Variants in RBM4 observed in about 807,000 individuals in gnomAD.
RBM4 encodes the protein RNA binding motif protein 4, also known as RNA-binding protein 4.
In RBM4, 7 loss-of-function variants were observed where a neutral mutation model predicts 29.5. The ratio of observed to expected loss-of-function variants is 0.24; its 90% CI spans 0.14 to 0.45. RBM4 has a LOEUF of 0.45. RBM4 is among the 20% of genes least tolerant of loss of function. RBM4 has a pLI of 1.00. For missense variants in RBM4, 387 were observed against 502.3 expected, an observed-to-expected ratio of 0.77 and a Z score of 2.19; for synonymous variants, 220 against 205.4, an observed-to-expected ratio of 1.07 and a Z score of -0.61.
At chr11:66,663,756 A>G (rs1028520016) in intron 2 of RBM4, among the ~76,000 whole-genome samples, 3 of 151,888 alleles carry the variant, frequency 2.0e-5, no homozygotes, top group African/African-American at 7.3e-5. Context: ...TGTTTTGTAA[A>G]TATGAGCCAG....
At chr11:66,666,091 A>G (rs538079076) in exon 3 of RBM4, 7 of 882,704 alleles carry the variant, frequency 7.9e-6, no homozygotes, top group African/African-American at 3.4e-5. Flanking sequence ...CATTCACCCA[A>G]TTCCAACACA....
downstream of RBM4, among the ~76,000 whole-genome samples, chr11:66,649,151 C>T (rs929391683): frequency 2.0e-5 from 3 of 151,956 alleles, no homozygotes; most frequent in South Asian, 6.2e-4. Flanking sequence ...GGATTACAGG[C>T]GCCTGCCACC....
intron 2 of RBM4, among the ~76,000 whole-genome samples, chr11:66,659,963 C>T (rs1939043098): frequency 6.6e-6 from 1 of 152,122 alleles, no homozygotes; most frequent in African/African-American, 2.4e-5. Context: ...TCAGCAACTT[C>T]CCCTTTTATC....
chr11:66,647,805 T>A (rs568274399), downstream of RBM4, among the ~76,000 whole-genome samples: 5 of 152,326 alleles, frequency 3.3e-5, no homozygotes, highest in South Asian at 1.0e-3. Flanking sequence ...AATGCAGAAA[T>A]GTCAAGTAGA....
chr11:66,663,606 G>A (rs559596523), intron 2 of RBM4, among the ~76,000 whole-genome samples: 16 of 152,112 alleles, frequency 1.1e-4, no homozygotes, highest in Non-Finnish European at 2.2e-4. Flanking sequence ...TGGGATTACA[G>A]GCATGAGCCA....
chr11:66,654,684 G>GT (rs144346052), intron 2 of RBM4, among the ~76,000 whole-genome samples: 57,122 of 122,220 alleles, frequency 0.47, 13,439 homozygotes, highest in South Asian at 0.62. Context: ...GATTAATTTT[G>GT]TTTTTTTTTT....
rs964574404 is a variant in RBM4, at chr11:66,644,730, G to A, written c.*8+590G>A. On this transcript the variant is annotated intron_variant, in intron 3 of 3. Transcript: ENST00000310092. ...CCGTTCAACCCTTATGAGTTTTATA[G>A]AACTTATTTGATGGTAAGTTGGGGT... is the stretch of plus-strand genomic sequence containing the variant. The A allele has an allele frequency of 1.8e-5, 17 of 954,482 alleles. No individual in the cohort carries two copies. In the African/African-American group the frequency reaches 2.8e-4, roughly 16 times the overall value. 59.1% of individuals were successfully genotyped at this position (954,482 alleles called of 1,614,324 possible).
At chr11:66,649,699 A>G (rs1170240592), downstream of RBM4, 2 of 700,252 alleles carry the variant, frequency 2.9e-6, no homozygotes, top group Non-Finnish European at 5.2e-6. Flanking sequence ...ACTCCTTAGG[A>G]ATAATAAAGT....
At chr11:66,647,611 C>T (rs1217218431), downstream of RBM4, among the ~76,000 whole-genome samples, 3 of 152,148 alleles carry the variant, frequency 2.0e-5, no homozygotes, top group Admixed American at 6.5e-5. Flanking sequence ...CACCACTGAA[C>T]GCCATTTTTA....
chr11:66,644,383 T>A, intron 3 of RBM4: 3 of 529,560 alleles, frequency 5.7e-6, no homozygotes, highest in Non-Finnish European at 9.4e-6. Flanking sequence ...TATTTGTGCC[T>A]AGAAAAATAA....
intron 3 of RBM4, among the ~76,000 whole-genome samples, chr11:66,645,415 C>T (rs559160082): frequency 1.3e-5 from 2 of 152,262 alleles, no homozygotes; most frequent in South Asian, 4.1e-4. Context: ...ATGTGGCTTT[C>T]CCAGGGTCAT....
intron 2 of RBM4, among the ~76,000 whole-genome samples, chr11:66,658,337 C>T (rs1343730397): frequency 7.9e-5 from 4 of 50,462 alleles, no homozygotes; most frequent in Non-Finnish European, 1.0e-4. Flanking sequence ...CTAGTCTGAC[C>T]TTTTTTTTTT....
Position 66,664,617 on chromosome 11 carries a change from C to T in RBM4, c.413-1239C>T, listed in dbSNP as rs113180532. Reference sequence around the variant, plus strand: ...CTGGGATTACAGGCGCCTGCCACCACGCCCAGCTAATTTTTGTATTTTAGT... The same window carrying T: ...CTGGGATTACAGGCGCCTGCCACCATGCCCAGCTAATTTTTGTATTTTAGT... On this transcript the variant is annotated intron_variant, in intron 2 of 2. Coordinates refer to the RBM4 transcript ENST00000396053. Among the ~76,000 whole-genome samples, 528 of 152,168 alleles carry T rather than the reference C, an allele frequency of 3.5e-3. 2 individuals are homozygous for T. Among genetic ancestry groups the T allele is most frequent in the African/African-American group, 0.012 (490 of 41,510 alleles).
In RBM4 at chr11:66,646,451, A is replaced by G. The variant is rs1326680543; in HGVS notation, c.*433A>G. The G allele has an allele frequency of 3.0e-6, 3 of 1,013,090 alleles. No individual in the cohort carries two copies. The highest frequency in any genetic ancestry group is 3.5e-6 in the Non-Finnish European group (3 of 848,012). The allele number at this position is 1,013,090 out of a possible 1,614,324, so 62.8% of individuals were successfully genotyped here. ...TCACTTTTTTTCTTTCCGGTGAAAT[A>G]AATGGTTTTTCAACTTAGGGTATGT... On this transcript the variant is annotated 3_prime_UTR_variant, in exon 4 of 4. Coordinates refer to ENST00000310092, the MANE Select transcript of RBM4 (RefSeq NM_002896.4).
chr11:66,642,092 C>G lies in RBM4; in HGVS notation c.413-1358C>G, dbSNP rs116811430. Reference sequence around the variant, plus strand: ...ACTTAAGTGCATAATTGCATATCTACTCTCTTTTAATAACCTGCAACCTAA... The same window carrying G: ...ACTTAAGTGCATAATTGCATATCTAGTCTCTTTTAATAACCTGCAACCTAA... On this transcript the variant is annotated intron_variant, in intron 2 of 3. Coordinates refer to ENST00000310092, the MANE Select transcript of RBM4 (RefSeq NM_002896.4). Among the ~76,000 whole-genome samples, 1,250 of 152,334 alleles carry G rather than the reference C, an allele frequency of 8.2e-3. 16 individuals are homozygous for G. Among genetic ancestry groups the G allele is most frequent in the African/African-American group, 0.027 (1,123 of 41,566 alleles).
At chr11:66,649,992 C>T, downstream of RBM4, 1 of 513,032 alleles carries the variant, frequency 1.9e-6, no homozygotes. Context: ...TCGCTAGGTA[C>T]TCCCTGATTA....
At chr11:66,667,975 G>A (rs1939309618) in exon 3 of RBM4, 1 of 152,552 alleles carries the variant, frequency 6.6e-6, no homozygotes, top group Non-Finnish European at 1.5e-5. Context: ...CCAGTGTTAG[G>A]ATTACAGGAG....
intron 2 of RBM4, among the ~76,000 whole-genome samples, chr11:66,659,021 T>TA (rs1261444578): frequency 4.0e-5 from 6 of 151,256 alleles, no homozygotes; most frequent in Non-Finnish European, 7.4e-5. Context: ...ACATATTGGG[T>TA]AAAAATACAT....
At chr11:66,653,501 A>G (rs1479674945) in intron 2 of RBM4, among the ~76,000 whole-genome samples, 1 of 151,722 alleles carries the variant, frequency 6.6e-6, no homozygotes, top group African/African-American at 2.4e-5. Flanking sequence ...AGCTGGGACT[A>G]TAGGCACATG....
Sources: allele counts gnomAD v4.1 joint callset (sites outside exome capture counted in the v4.1 genomes callset), GRCh38; gene constraint gnomAD v4.1.1; transcripts MANE v1.5; gene names NCBI Gene and HGNC (gene_info 2026-07-23, HGNC 2026-07-21).